Variants in NUP210L observed in about 807,000 individuals in gnomAD.
The protein encoded by NUP210L is nuclear pore membrane glycoprotein 210-like.
In NUP210L, 74 loss-of-function variants were observed where a neutral mutation model predicts 208.5. That is an observed-to-expected ratio of 0.35 (90% CI 0.29 to 0.43). NUP210L has a LOEUF of 0.43. Ranked by LOEUF, NUP210L falls within the 20% of genes least tolerant of loss-of-function variation. The pLI, the probability that NUP210L is intolerant of heterozygous loss-of-function variation, is 1.00. For synonymous variants in NUP210L, 780 were observed against 816.9 expected, an observed-to-expected ratio of 0.95 and a Z score of 0.77; for missense variants, 1,843 against 2,289.4, an observed-to-expected ratio of 0.81 and a Z score of 3.98.
intron 27 of NUP210L, among the ~76,000 whole-genome samples, chr1:154,037,325 AAACTCTAAT>A: frequency 6.6e-6 from 1 of 152,240 alleles, no homozygotes. Flanking sequence ...CCTCTCTCTT[AAACTCTAAT>A]ATTATTTGCT....
chr1:154,061,671 T>C (rs760525927), exon 18 of NUP210L: 1 of 1,588,694 alleles, frequency 6.3e-7, no homozygotes, highest in South Asian at 1.1e-5. Context: ...AAGGATCTGA[T>C]GACCTGGAAA....
intron 12 of NUP210L, chr1:154,104,429 C>T (rs1276655780): frequency 1.9e-6 from 1 of 533,332 alleles, no homozygotes; most frequent in Non-Finnish European, 3.4e-6. Flanking sequence ...GAAGGAGCCA[C>T]TGAAGGGGCA....
intron 27 of NUP210L, among the ~76,000 whole-genome samples, chr1:154,043,340 G>C (rs1490073737): frequency 2.7e-5 from 4 of 148,820 alleles, no homozygotes; most frequent in Non-Finnish European, 4.5e-5. Flanking sequence ...TTGAGATGGA[G>C]TTTCACTCTT....
intron 16 of NUP210L, among the ~76,000 whole-genome samples, chr1:154,088,532 G>C (rs937576110): frequency 6.6e-6 from 1 of 152,130 alleles, no homozygotes; most frequent in South Asian, 2.1e-4. Context: ...ACTCCACTCA[G>C]AGTGCTCTAA....
rs190770650 is a variant in NUP210L, at chr1:154,033,862, G to C, written c.3697-3808C>G. ...GTAGTATGGGTATTTTAACAATATT[G>C]ATTCTTCCAATCCATGAACATGGGA... On this transcript the variant is annotated intron_variant, in intron 27 of 39. Coordinates refer to ENST00000368559, the Ensembl canonical transcript of NUP210L. Among the ~76,000 whole-genome samples, 35 of 152,134 alleles carry C rather than the reference G, an allele frequency of 2.3e-4. No individual in the cohort carries two copies. The East Asian group carries it at 6.2e-3, about 27-fold the overall frequency.
At chr1:154,141,814 C>A (rs890069965) in intron 3 of NUP210L, among the ~76,000 whole-genome samples, 1 of 152,146 alleles carries the variant, frequency 6.6e-6, no homozygotes, top group African/African-American at 2.4e-5. Context: ...ATAAAGGCCA[C>A]CTCATGGTTG....
At chr1:154,031,879 G>A (rs1002081853) in intron 27 of NUP210L, among the ~76,000 whole-genome samples, 1 of 149,208 alleles carries the variant, frequency 6.7e-6, no homozygotes, top group African/African-American at 2.4e-5. Context: ...GCACCACTGC[G>A]CCTGGCTAAA....
At chr1:154,075,301 G>A (rs940339067) in intron 16 of NUP210L, among the ~76,000 whole-genome samples, 3 of 151,998 alleles carry the variant, frequency 2.0e-5, no homozygotes, top group Non-Finnish European at 4.4e-5. Context: ...ATATATGTGA[G>A]ACATACCCAC....
chr1:153,993,254 ACT>A (rs1379042687), intron 38 of NUP210L, among the ~76,000 whole-genome samples, 165 bp from the exon 39 acceptor site: 1 of 152,214 alleles, frequency 6.6e-6, no homozygotes, highest in African/African-American at 2.4e-5. Context: ...TTTTAGAGTT[ACT>A]TTCAGCTTTT....
At chr1:154,016,869 A>G (rs112407157) in intron 33 of NUP210L, among the ~76,000 whole-genome samples, 3 of 152,064 alleles carry the variant, frequency 2.0e-5, no homozygotes, top group Non-Finnish European at 4.4e-5. Flanking sequence ...GGGAGGCTGC[A>G]GTGGGAGGAT....
chr1:154,138,263 A>C, intron 5 of NUP210L, 25 bp from the exon 6 acceptor site: 12 of 1,523,102 alleles, frequency 7.9e-6, no homozygotes, highest in Non-Finnish European at 1.0e-5. Flanking sequence ...GAAGGAAAAA[A>C]AAAAACAGTT....
At chr1:154,154,925 G>A in exon 1 of NUP210L, 3 of 1,614,214 alleles carry the variant, frequency 1.9e-6, no homozygotes, top group Non-Finnish European at 2.5e-6. Context: ...CCTGTGGCAC[G>A]TTAAGTTTGT....
intron 24 of NUP210L, 116 bp from the exon 25 acceptor site, chr1:154,054,523 C>T: frequency 1.1e-6 from 1 of 924,330 alleles, no homozygotes; most frequent in Non-Finnish European, 1.7e-6. Flanking sequence ...TCTTGAACAA[C>T]ATATCCCATA....
chr1:154,145,326 G>A (rs1424969014), intron 2 of NUP210L, among the ~76,000 whole-genome samples: 29 of 149,774 alleles, frequency 1.9e-4, no homozygotes, highest in Admixed American at 1.9e-3. Flanking sequence ...GCTGAGGCAG[G>A]AGAATTGCTT....
intron 3 of NUP210L, among the ~76,000 whole-genome samples, chr1:154,142,543 C>A (rs1486634046): frequency 6.6e-6 from 1 of 152,126 alleles, no homozygotes; most frequent in African/African-American, 2.4e-5. Flanking sequence ...AAGTGTTCTT[C>A]ATTGTTGATC....
intron 27 of NUP210L, among the ~76,000 whole-genome samples, chr1:154,042,271 A>G (rs570165294): frequency 6.6e-6 from 1 of 151,122 alleles, no homozygotes; most frequent in Non-Finnish European, 1.5e-5. Context: ...GGCTAATCTC[A>G]TGTGTGTTTT....
chr1:154,070,671 A>T (rs1654665731), intron 16 of NUP210L, among the ~76,000 whole-genome samples: 1 of 152,170 alleles, frequency 6.6e-6, no homozygotes, highest in South Asian at 2.1e-4. Context: ...ATATTTAGTT[A>T]CATTGCCTTT....
chr1:154,022,081 C>T lies in NUP210L; in HGVS notation c.4516+45G>A, dbSNP rs745762486. ...TTTTTTAATAACTGCTTTTTAATCC[C>T]CACAACTATCAATTGTAAGTTTGAG... is the stretch of plus-strand genomic sequence containing the variant. On this transcript the variant is annotated intron_variant, in intron 32 of 39. Transcript: ENST00000368559. The T allele has an allele frequency of 2.7e-6, 4 of 1,477,488 alleles. No individual in the cohort carries two copies. The South Asian group carries it at 3.4e-5, about 13-fold the overall frequency. 91.5% of individuals were successfully genotyped at this position (1,477,488 alleles called of 1,614,324 possible).
chr1:154,080,547 G>A (rs1015889954), intron 16 of NUP210L, among the ~76,000 whole-genome samples: 3 of 150,956 alleles, frequency 2.0e-5, no homozygotes, highest in African/African-American at 7.3e-5. Flanking sequence ...TCCCAAGCAC[G>A]GTGGCGTGCA....
Sources: gnomAD v4.1 joint callset for allele counts (sites outside exome capture counted in the v4.1 genomes callset) on GRCh38, gnomAD v4.1.1 for gene constraint, MANE v1.5 for transcripts, NCBI Gene and HGNC (gene_info 2026-07-23, HGNC 2026-07-21) for gene names.